Variants in KDM7A observed in about 807,000 individuals in gnomAD.
KDM7A encodes the protein lysine demethylase 7A.
KDM7A carries 28 observed loss-of-function variants against 114.8 expected under a neutral mutation model. The observed-to-expected ratio is 0.24, with a 90% CI of 0.18 to 0.33. The LOEUF (loss-of-function observed/expected upper bound fraction) is 0.33, where lower values mean the gene tolerates loss of function less well. Among genes scored for constraint, KDM7A ranks in the 10% least tolerant of loss-of-function variants. KDM7A has a pLI of 1.00. For missense variants in KDM7A, 942 were observed against 1,142.5 expected, an observed-to-expected ratio of 0.82 and a Z score of 2.53; for synonymous variants, 423 against 397.8, an observed-to-expected ratio of 1.06 and a Z score of -0.75.
chr7:140,170,433 G>C (rs1271926830), intron 1 of KDM7A, among the ~76,000 whole-genome samples: 1 of 152,228 alleles, frequency 6.6e-6, no homozygotes, highest in Non-Finnish European at 1.5e-5. Flanking sequence ...GCTGGCTGCA[G>C]CCAAGGAGGA....
chr7:140,143,063 C>A (rs1794302768), intron 1 of KDM7A, among the ~76,000 whole-genome samples: 1 of 151,608 alleles, frequency 6.6e-6, no homozygotes, highest in Admixed American at 6.6e-5. Context: ...CGCCTGTAGT[C>A]CCCACTACTC....
At chr7:140,130,150 A>T (rs1818762624) in intron 3 of KDM7A, among the ~76,000 whole-genome samples, 1 of 152,238 alleles carries the variant, frequency 6.6e-6, no homozygotes, top group Non-Finnish European at 1.5e-5. Flanking sequence ...TGGATAAGGG[A>T]TACTCAACCT....
chr7:140,100,689 CATATATATATATATAT>C (rs1392915165), intron 12 of KDM7A, among the ~76,000 whole-genome samples: 1 of 54,008 alleles, frequency 1.9e-5, no homozygotes, highest in African/African-American at 7.0e-5. Context: ...TACATATATA[CATATATATATATATAT>C]ATACACATAT....
chr7:140,102,204 C>G (rs1353995861), intron 11 of KDM7A, 44 bp from the exon 12 acceptor site: 5 of 1,314,298 alleles, frequency 3.8e-6, no homozygotes, highest in Non-Finnish European at 5.5e-6. Context: ...AAGGCTGTTA[C>G]ACACATACGT....
At chr7:140,100,681 C>CACACATATATATATATATAT (rs1554395402) in intron 12 of KDM7A, among the ~76,000 whole-genome samples, 15 of 44,362 alleles carry the variant, frequency 3.4e-4, no homozygotes, top group Non-Finnish European at 3.9e-4. Context: ...TATATATATA[C>CACACATATATATATATATAT]ATATATACAT....
rs1326630471 is a variant in KDM7A at position 140,096,988 on chromosome 7, T to C, written c.2076A>G (p.Ile692Met). Residue 692 changes from isoleucine to methionine, a missense_variant, in exon 16 of 20, where the codon ATA becomes ATG. Coordinates refer to ENST00000397560, the MANE Select transcript of KDM7A (RefSeq NM_030647.2). ...TAGATTCCTCCTTAAAGTTGGATGT[T>C]ATTTCTTGTTTCTTTTCATCACCTG... is the stretch of plus-strand genomic sequence containing the variant. ...ESSGDEKKQE[I>M]TSNFKEESNV... 1 of 1,612,810 alleles carries C rather than the reference T, an allele frequency of 6.2e-7. No homozygotes were observed. The highest frequency in any genetic ancestry group is 2.2e-5 in the East Asian group (1 of 44,828).
In KDM7A at chr7:140,087,171, A is replaced by G. The variant is rs1817941874; in HGVS notation, c.*3923T>C. The G allele has an allele frequency of 6.6e-6, 1 of 152,110 alleles. No homozygotes were observed. Among genetic ancestry groups the G allele is most frequent in the Admixed American group, 6.5e-5 (1 of 15,268 alleles). The allele number at this position is 152,110 out of a possible 1,614,324, so 9.4% of individuals were successfully genotyped here. On this transcript the variant is annotated 3_prime_UTR_variant, in exon 20 of 20. Transcript: ENST00000397560. ...TTCTAACCACCTCATTCTCCCCACA[A>G]GTTCCCTGGGGAGTTGCTAAGTCAT...
chr7:140,136,487 G>C (rs1157018879), intron 2 of KDM7A, among the ~76,000 whole-genome samples: 1 of 152,210 alleles, frequency 6.6e-6, no homozygotes, highest in African/African-American at 2.4e-5. Context: ...AAAGGGAAAG[G>C]AGAAAATTTT....
At chr7:140,097,134 G>T in intron 15 of KDM7A, 87 bp from the exon 16 acceptor site, 3 of 908,286 alleles carry the variant, frequency 3.3e-6, no homozygotes, top group Non-Finnish European at 5.0e-6. Flanking sequence ...TATACATCTA[G>T]AGAAAGTCAG....
intron 8 of KDM7A, 66 bp downstream of exon 8, chr7:140,120,376 G>C: frequency 1.1e-6 from 1 of 902,714 alleles, no homozygotes; most frequent in South Asian, 1.5e-5. Flanking sequence ...TTTTTTTTAA[G>C]TTAAAAAAAA....
chr7:140,108,244 T>C (rs1054786920), intron 11 of KDM7A, among the ~76,000 whole-genome samples: 1 of 152,154 alleles, frequency 6.6e-6, no homozygotes, highest in African/African-American at 2.4e-5. Context: ...TCAGAGAAGT[T>C]TGTTATTACT....
chr7:140,138,006 A>G (rs951463018), intron 2 of KDM7A, among the ~76,000 whole-genome samples: 2 of 152,198 alleles, frequency 1.3e-5, no homozygotes, highest in Non-Finnish European at 2.9e-5. Context: ...TAAAAATGCT[A>G]GTCTGCAGCC....
intron 3 of KDM7A, among the ~76,000 whole-genome samples, chr7:140,131,565 G>T (rs1818787344): frequency 6.6e-6 from 1 of 152,166 alleles, no homozygotes; most frequent in Admixed American, 6.5e-5. Context: ...TCCTTTCCTA[G>T]ATAATCTTGT....
At position 140,090,983 on chromosome 7, in the gene KDM7A, T is replaced by C; in HGVS notation, c.*111A>G. 5.4e-6 allele frequency: 4 copies of C among 740,326 alleles called. No homozygotes were observed. Among genetic ancestry groups the C allele is most frequent in the South Asian group, 1.5e-5 (1 of 64,596 alleles). The allele number at this position is 740,326 out of a possible 1,614,324, so 45.9% of individuals were successfully genotyped here. ...CAGGTTCATTCTGTTCTTCGGGCAG[T>C]GTTCTTACTATACACACAAACTGCT... On this transcript the variant is annotated 3_prime_UTR_variant, in exon 20 of 20. Coordinates refer to ENST00000397560, the MANE Select transcript of KDM7A (RefSeq NM_030647.2).
chr7:140,175,781 C>T (rs943564419), intron 1 of KDM7A, among the ~76,000 whole-genome samples: 3 of 151,082 alleles, frequency 2.0e-5, no homozygotes, highest in East Asian at 3.9e-4. Context: ...CGCCAGCCGG[C>T]CCCGCAGCGT....
At chr7:140,108,034 A>G (rs1008036776) in intron 11 of KDM7A, among the ~76,000 whole-genome samples, 9 of 152,172 alleles carry the variant, frequency 5.9e-5, no homozygotes, top group African/African-American at 2.2e-4. Flanking sequence ...ATCTTCAATC[A>G]CTGATACCCT....
At chr7:140,175,669 AAC>A (rs748782689) in intron 1 of KDM7A, among the ~76,000 whole-genome samples, 24 of 152,296 alleles carry the variant, frequency 1.6e-4, no homozygotes, top group Admixed American at 5.2e-4. Flanking sequence ...TTGATTACAA[AAC>A]ACACGAGTCG....
chr7:140,113,989 AAT>A (rs1478778763), intron 9 of KDM7A, among the ~76,000 whole-genome samples: 3 of 152,194 alleles, frequency 2.0e-5, no homozygotes, highest in Non-Finnish European at 2.9e-5. Flanking sequence ...CATATTAAAA[AAT>A]ATAGAAAGGT....
At position 140,088,781 on chromosome 7, in the gene KDM7A, C is replaced by T. The variant is rs1277351856; in HGVS notation, c.*2313G>A. On this transcript the variant is annotated 3_prime_UTR_variant, in exon 20 of 20. Transcript: ENST00000397560. ...TACCTTCACTTTAGAATTCCACACACGGGCTACTCCAAATTAGTACTTCTC... is the reference window on the plus strand; with the variant it reads ...TACCTTCACTTTAGAATTCCACACATGGGCTACTCCAAATTAGTACTTCTC... 14 of 344,104 alleles carry T rather than the reference C, an allele frequency of 4.1e-5. No homozygotes were observed. The East Asian group carries it at 4.4e-4, about 11-fold the overall frequency. 21.3% of individuals were successfully genotyped at this position (344,104 alleles called of 1,614,324 possible). A position where few individuals can be genotyped will look rare whatever the true frequency, so the allele number is the denominator to read the frequency against.
Sources: allele counts gnomAD v4.1 joint callset (sites outside exome capture counted in the v4.1 genomes callset), GRCh38; gene constraint gnomAD v4.1.1; transcripts MANE v1.5; gene names NCBI Gene and HGNC (gene_info 2026-07-23, HGNC 2026-07-21).